Variants in CADPS2 observed in about 807,000 individuals in gnomAD.
CADPS2 encodes calcium-dependent secretion activator 2.
A neutral mutation model predicts 172.5 loss-of-function variants in CADPS2; 93 were observed. The observed-to-expected ratio is 0.54, with a 90% CI of 0.46 to 0.64. The LOEUF (loss-of-function observed/expected upper bound fraction) is 0.64. CADPS2 is among the 30% of genes least tolerant of loss of function. The pLI, the probability that CADPS2 is intolerant of heterozygous loss-of-function variation, is 0.00. For missense variants in CADPS2, 1,420 were observed against 1,565.9 expected (o/e 0.91, Z 1.57); for synonymous variants, 546 against 555.2 (o/e 0.98, Z 0.23).
chr7:122,712,730 T>C (rs2088950220), intron 2 of CADPS2, among the ~76,000 whole-genome samples: 1 of 152,118 alleles, frequency 6.6e-6, no homozygotes, highest in Admixed American at 6.6e-5. Context: ...TGCACAGTTC[T>C]GGAGGCCGAG....
chr7:122,709,602 G>A (rs1367887189), intron 2 of CADPS2, among the ~76,000 whole-genome samples: 1 of 151,636 alleles, frequency 6.6e-6, no homozygotes, highest in African/African-American at 2.4e-5. Context: ...AAAGACACAT[G>A]CACACGTATG....
At chr7:122,839,494 C>T (rs1446705238) in intron 1 of CADPS2, among the ~76,000 whole-genome samples, 1 of 152,292 alleles carries the variant, frequency 6.6e-6, no homozygotes, top group Admixed American at 6.5e-5. Context: ...GAACAGACAA[C>T]CTACAGAATG....
At chr7:122,883,096 C>T (rs1274206687) in intron 1 of CADPS2, among the ~76,000 whole-genome samples, 1 of 152,084 alleles carries the variant, frequency 6.6e-6, no homozygotes, top group African/African-American at 2.4e-5. Flanking sequence ...TTCATGTGTT[C>T]GTTAACTGTG....
intron 20 of CADPS2, among the ~76,000 whole-genome samples, chr7:122,405,641 T>C (rs188981002): frequency 1.3e-4 from 20 of 150,526 alleles, no homozygotes; most frequent in Non-Finnish European, 2.4e-4. Flanking sequence ...GCCTGGGCGA[T>C]GGAACAAGCT....
chr7:122,788,187 A>C (rs1364916425), intron 1 of CADPS2, among the ~76,000 whole-genome samples: 1 of 152,206 alleles, frequency 6.6e-6, no homozygotes, highest in Non-Finnish European at 1.5e-5. Flanking sequence ...AAAGTGTCTT[A>C]ACAACCCCTT....
intron 8 of CADPS2, among the ~76,000 whole-genome samples, chr7:122,527,843 T>A (rs1212219040): frequency 1.3e-5 from 2 of 151,882 alleles, no homozygotes; most frequent in African/African-American, 4.8e-5. Context: ...AAGCAAGTAT[T>A]GGGAATGGAG....
At chr7:122,450,168 T>A (rs190267930) in intron 15 of CADPS2, among the ~76,000 whole-genome samples, 1 of 152,200 alleles carries the variant, frequency 6.6e-6, no homozygotes, top group African/African-American at 2.4e-5. Context: ...ATAAAATATT[T>A]TTGTGAACAT....
intron 8 of CADPS2, among the ~76,000 whole-genome samples, chr7:122,552,273 G>A (rs905836835): frequency 2.6e-5 from 4 of 151,940 alleles, no homozygotes; most frequent in Non-Finnish European, 4.4e-5. Context: ...TTCTAACATT[G>A]CTTCAATGTA....
intron 2 of CADPS2, chr7:122,698,391 C>G: frequency 6.2e-7 from 1 of 1,613,954 alleles, no homozygotes; most frequent in Non-Finnish European, 8.5e-7. Context: ...CCACCTCAAC[C>G]ACGGCTGTAA....
intron 3 of CADPS2, among the ~76,000 whole-genome samples, chr7:122,631,625 A>G (rs12706426): frequency 0.04 from 6,151 of 152,200 alleles, 197 homozygotes; most frequent in Non-Finnish European, 0.049. Flanking sequence ...TTGTCTGAAA[A>G]AAAAGTAAGC....
At chr7:122,863,565 G>A (rs1817516551) in intron 1 of CADPS2, among the ~76,000 whole-genome samples, 1 of 151,776 alleles carries the variant, frequency 6.6e-6, no homozygotes, top group Admixed American at 6.6e-5. Flanking sequence ...ACTTAAGGAG[G>A]CAACAAAGGA....
chr7:122,495,696 G>T (rs1210395641), intron 9 of CADPS2, among the ~76,000 whole-genome samples: 1 of 152,122 alleles, frequency 6.6e-6, no homozygotes, highest in African/African-American at 2.4e-5. Context: ...GTTGTTGGGT[G>T]CACAGATCTT....
intron 12 of CADPS2, among the ~76,000 whole-genome samples, chr7:122,476,541 T>C (rs1563446497): frequency 6.6e-6 from 1 of 152,164 alleles, no homozygotes; most frequent in Non-Finnish European, 1.5e-5. Context: ...CCAAACTATA[T>C]ATCTGCTAAG....
chr7:122,500,935 T>C (rs916942708), intron 9 of CADPS2, among the ~76,000 whole-genome samples: 3 of 152,134 alleles, frequency 2.0e-5, no homozygotes, highest in African/African-American at 7.2e-5. Context: ...GGAATTGTAA[T>C]GGAACATAAT....
At chr7:122,386,994 C>T in intron 24 of CADPS2, 32 bp downstream of exon 24, 1 of 1,547,610 alleles carries the variant, frequency 6.5e-7, no homozygotes, top group African/African-American at 1.4e-5. Context: ...GCACCCTGTG[C>T]TGCCTTTCCC....
intron 9 of CADPS2, among the ~76,000 whole-genome samples, chr7:122,508,449 GT>G (rs1205155217): frequency 2.9e-3 from 195 of 68,418 alleles, no homozygotes; most frequent in East Asian, 6.9e-3. Context: ...ATTCATTTAA[GT>G]TTTTTTTTTT....
chr7:122,880,738 G>A (rs895026600), intron 1 of CADPS2, among the ~76,000 whole-genome samples: 13 of 152,054 alleles, frequency 8.5e-5, no homozygotes, highest in Admixed American at 1.3e-4. Flanking sequence ...GATAAGAATC[G>A]CACTTCTTTT....
At chr7:122,761,728 C>T (rs2093386657) in intron 1 of CADPS2, among the ~76,000 whole-genome samples, 1 of 151,548 alleles carries the variant, frequency 6.6e-6, no homozygotes, top group Non-Finnish European at 1.5e-5. Flanking sequence ...GGCATGGTGG[C>T]TCACACCTGT....
At chr7:122,416,783 T>G (rs1254842300) in intron 17 of CADPS2, among the ~76,000 whole-genome samples, 5 of 152,190 alleles carry the variant, frequency 3.3e-5, no homozygotes. Context: ...AGGTTCTTTC[T>G]GCAGTAAGCT....
Sources: allele counts gnomAD v4.1 joint callset (sites outside exome capture counted in the v4.1 genomes callset), GRCh38; gene constraint gnomAD v4.1.1; transcripts MANE v1.5; gene names NCBI Gene and HGNC (gene_info 2026-07-23, HGNC 2026-07-21).